Variants in ANO4 observed in about 807,000 individuals in gnomAD.
ANO4 encodes anoctamin 4.
ANO4 carries 69 observed loss-of-function variants against 141.9 expected under a neutral mutation model. The observed-to-expected ratio is 0.49, with a 90% CI of 0.40 to 0.59. The LOEUF (loss-of-function observed/expected upper bound fraction) is 0.59, where lower values mean the gene tolerates loss of function less well. Among genes scored for constraint, ANO4 ranks in the 20% least tolerant of loss-of-function variants. The pLI is 0.00. For missense variants in ANO4, 894 were observed against 1,162.2 expected (o/e 0.77, Z 3.36); for synonymous variants, 350 against 394.3 (o/e 0.89, Z 1.33).
chr12:100,748,033 A>T (rs1232278582), intron 3 of ANO4, among the ~76,000 whole-genome samples: 1 of 152,126 alleles, frequency 6.6e-6, no homozygotes, highest in Non-Finnish European at 1.5e-5. Context: ...GTCTGAGCAG[A>T]GCATGGTGTC....
chr12:101,016,090 A>T (rs1278061229), intron 8 of ANO4, among the ~76,000 whole-genome samples: 2 of 152,220 alleles, frequency 1.3e-5, no homozygotes, highest in Admixed American at 1.3e-4. Flanking sequence ...AGCAGAGGCC[A>T]AGGTATAAGG....
At chr12:100,915,342 G>A (rs34569094) in intron 2 of ANO4, among the ~76,000 whole-genome samples, 70 of 152,244 alleles carry the variant, frequency 4.6e-4, no homozygotes, top group Non-Finnish European at 8.8e-4. Flanking sequence ...TTGAGAATTT[G>A]TATTAAGTAT....
intron 8 of ANO4, among the ~76,000 whole-genome samples, chr12:100,988,468 A>G (rs71464251): frequency 0.08 from 12,107 of 151,460 alleles, 541 homozygotes; most frequent in Middle Eastern, 0.13. Context: ...CAGGAATTCC[A>G]GGCCCTCTTG....
At chr12:100,719,331 C>T (rs1333499037) in intron 1 of ANO4, among the ~76,000 whole-genome samples, 2 of 152,144 alleles carry the variant, frequency 1.3e-5, no homozygotes, top group Non-Finnish European at 2.9e-5. Flanking sequence ...ATAAATTAGT[C>T]CATCAGGGTT....
Position 100,939,424 on chromosome 12 carries a change from T to A in ANO4, c.270T>A (p.Asp90Glu), listed in dbSNP as rs1240393410. ...GAAACCTGACTAGTACTTCAGATGA[T>A]GCCAGCAGATTGGAAGCCGGGGGAG... ...HPGNLTSTSD[D>E]ASRLEAGGET... Residue 90 changes from aspartate (D) to glutamate (E), a missense_variant, in exon 4 of 28, where the codon GAT (aspartate) becomes GAA (glutamate). Around this residue, in one of 2 missense-constraint regions of ANO4, gnomAD observed 257 missense variants for 253.0 expected, o/e 1.02. Transcript: ENST00000392977. 6.2e-7 allele frequency: 1 copy of A among 1,613,548 alleles called. No homozygotes were observed. The highest frequency in any genetic ancestry group is 2.2e-5 in the East Asian group (1 of 44,858).
chr12:100,986,824 G>C (rs1163241354), intron 7 of ANO4, among the ~76,000 whole-genome samples: 2 of 152,190 alleles, frequency 1.3e-5, no homozygotes, highest in Non-Finnish European at 2.9e-5. Flanking sequence ...GCAGAAGTCA[G>C]TGGAACCGAG....
intron 9 of ANO4, among the ~76,000 whole-genome samples, chr12:101,031,525 A>G (rs1236607722): frequency 6.6e-6 from 1 of 152,196 alleles, no homozygotes; most frequent in Non-Finnish European, 1.5e-5. Flanking sequence ...CCAGTACAAG[A>G]CAAGGATGCC....
rs1195067838 is a variant in ANO4 at position 101,120,599 on chromosome 12, C to G, written c.2650C>G (p.Arg884Gly). The change falls in exon 26 of 28, where the codon CGA becomes GGA. Residue 884 changes from arginine (R) to glycine (G), a missense_variant. By Grantham distance (125) the Arg-to-Gly change is moderately radical (BLOSUM62 -2). Around this residue, in one of 2 missense-constraint regions of ANO4, gnomAD observed 637 missense variants for 909.2 expected, o/e 0.70. Transcript: ENST00000392977. ...TLQFWHVLAA[R>G]LAFIIVFEHL... ...GCAGTTTTGGCATGTCCTAGCTGCT[C>G]GATTAGCTTTTATCATTGTCTTTGA... 1 of 1,613,868 alleles carries G rather than the reference C, an allele frequency of 6.2e-7. No homozygotes were observed. Among genetic ancestry groups the G allele is most frequent in the East Asian group, 2.2e-5 (1 of 44,872 alleles).
intron 2 of ANO4, among the ~76,000 whole-genome samples, chr12:100,916,805 AG>A (rs1234340787): frequency 1.3e-5 from 2 of 152,320 alleles, no homozygotes; most frequent in East Asian, 3.9e-4. Context: ...CTATGGACAA[AG>A]AATGGATGGG....
At chr12:101,082,602 G>A (rs2136879308) in intron 15 of ANO4, among the ~76,000 whole-genome samples, 1 of 152,324 alleles carries the variant, frequency 6.6e-6, no homozygotes, top group East Asian at 1.9e-4. Context: ...TGCTCCTAAT[G>A]TATCTCCTGC....
chr12:100,993,811 A>C (rs1167277980), intron 8 of ANO4, among the ~76,000 whole-genome samples: 1 of 152,166 alleles, frequency 6.6e-6, no homozygotes, highest in Non-Finnish European at 1.5e-5. Context: ...TAACTAGTCT[A>C]CCTGTGTGCC....
intron 1 of ANO4, among the ~76,000 whole-genome samples, chr12:100,864,590 C>T (rs993372971): frequency 5.9e-5 from 9 of 152,086 alleles, no homozygotes; most frequent in African/African-American, 2.2e-4. Flanking sequence ...ACTCACACAC[C>T]CACACACAGA....
At chr12:101,105,564 C>T (rs750854071) in intron 22 of ANO4, among the ~76,000 whole-genome samples, 9 of 151,890 alleles carry the variant, frequency 5.9e-5, no homozygotes, top group Non-Finnish European at 1.3e-4. Flanking sequence ...GTGTGGCATA[C>T]AATAAAAAGA....
chr12:100,749,002 T>TG (rs1394227415), intron 3 of ANO4, among the ~76,000 whole-genome samples: 1 of 152,154 alleles, frequency 6.6e-6, no homozygotes, highest in Non-Finnish European at 1.5e-5. Context: ...TTTATGCATT[T>TG]TGGAAGGTGA....
intron 5 of ANO4, among the ~76,000 whole-genome samples, chr12:100,951,016 G>C (rs1159554560): frequency 2.0e-5 from 3 of 152,166 alleles, no homozygotes; most frequent in African/African-American, 7.2e-5. Context: ...CAAAGGTAAA[G>C]ATTCCATGTT....
chr12:101,080,548 C>A (rs2049203496), intron 15 of ANO4, among the ~76,000 whole-genome samples: 1 of 152,006 alleles, frequency 6.6e-6, no homozygotes, highest in African/African-American at 2.4e-5. Flanking sequence ...GAAGGGGTAC[C>A]ACTTCAGGCC....
At chr12:101,063,509 A>C (rs993333405) in intron 14 of ANO4, among the ~76,000 whole-genome samples, 1 of 152,098 alleles carries the variant, frequency 6.6e-6, no homozygotes, top group Admixed American at 6.5e-5. Context: ...TATCTTCATG[A>C]GGGTTATTGG....
At chr12:100,729,383 AAAAAAAAG>A (rs1317806909) in intron 1 of ANO4, among the ~76,000 whole-genome samples, 3 of 150,016 alleles carry the variant, frequency 2.0e-5, no homozygotes, top group African/African-American at 4.9e-5. Flanking sequence ...AAAAAAAAAA[AAAAAAAAG>A]GTAACACTAA....
At chr12:101,082,953 ATAATT>A (rs2049345051) in intron 15 of ANO4, among the ~76,000 whole-genome samples, 1 of 152,204 alleles carries the variant, frequency 6.6e-6, no homozygotes. Context: ...TCCTAATCTC[ATAATT>A]GGTTTTTAGT....
Sources: allele counts gnomAD v4.1 joint callset (sites outside exome capture counted in the v4.1 genomes callset), GRCh38; gene constraint gnomAD v4.1.1; regional missense constraint gnomAD v4.1.1; transcripts MANE v1.5; gene names NCBI Gene and HGNC (gene_info 2026-07-23, HGNC 2026-07-21).